Variants in ZNF230 observed in about 807,000 individuals in gnomAD.
The protein encoded by ZNF230 is zinc finger protein 230.
A neutral mutation model predicts 10.0 loss-of-function variants in ZNF230; 12 were observed. That is an observed-to-expected ratio of 1.20 (90% confidence interval 0.77 to 1.95). The LOEUF (loss-of-function observed/expected upper bound fraction) is 1.95, where lower values mean the gene tolerates loss of function less well. ZNF230 is among the 30% of genes most tolerant of loss of function. The probability of loss-of-function intolerance (pLI) is 0.00; values close to 1 mark genes in which losing one functional copy is unlikely to be tolerated. For missense variants in ZNF230, 532 were observed against 565.8 expected (o/e 0.94, Z 0.61); for synonymous variants, 174 against 193.6 (o/e 0.90, Z 0.84).
At chr19:44,009,703 C>T (rs1186587181) in intron 4 of ZNF230, among the ~76,000 whole-genome samples, 1 of 152,206 alleles carries the variant, frequency 6.6e-6, no homozygotes, top group Non-Finnish European at 1.5e-5. Context: ...TGGCCAGCCA[C>T]AACCCTAAAT....
chr19:44,012,494 A>G lies in ZNF230; in HGVS notation c.*1030A>G. On this transcript the variant is annotated 3_prime_UTR_variant, in exon 5 of 5. Transcript: ENST00000429154. ...CCCATCATCCTAGGACCATCGTAGT[A>G]GAGAACTCTTGTAAATTGTGCAGTA... is the stretch of plus-strand genomic sequence containing the variant. 1 of 518,714 alleles carries G rather than the reference A, an allele frequency of 1.9e-6. No individual in the cohort carries two copies. Among genetic ancestry groups the G allele is most frequent in the Non-Finnish European group, 3.8e-6 (1 of 259,752 alleles). 32.1% of individuals were successfully genotyped at this position (518,714 alleles called of 1,614,324 possible).
Position 44,010,281 on chromosome 19 carries a change from T to C in ZNF230, c.242T>C (p.Ile81Thr), listed in dbSNP as rs775491942. 1.9e-6 allele frequency: 3 copies of C among 1,606,962 alleles called. No individual in the cohort carries two copies. The highest frequency in any genetic ancestry group is 2.6e-6 in the Non-Finnish European group (3 of 1,175,930). The change falls in exon 5 of 5, where the codon ATT (isoleucine) becomes ACT (threonine). Residue 81 changes from isoleucine to threonine, a missense_variant. Coordinates refer to ENST00000429154, the MANE Select transcript of ZNF230 (RefSeq NM_006300.4). ...QREGNSGGKT[I>T]AEAGPHEDCP... is the part of the protein sequence containing the mutation. Reference sequence around the variant, plus strand: ...TGTGTCCTTATAGGCGGCAAGACTATTGCGGAAGCAGGACCACATGAAGAC... The same window carrying C: ...TGTGTCCTTATAGGCGGCAAGACTACTGCGGAAGCAGGACCACATGAAGAC...
chr19:44,008,234 T>TA (rs891096237), intron 2 of ZNF230, among the ~76,000 whole-genome samples: 59 of 151,022 alleles, frequency 3.9e-4, no homozygotes, highest in Middle Eastern at 3.4e-3. Flanking sequence ...AAAGAAGGCA[T>TA]AAAAAAAAAT....
At chr19:44,009,316 G>A in intron 4 of ZNF230, 146 bp downstream of exon 4, 1 of 867,864 alleles carries the variant, frequency 1.2e-6, no homozygotes, top group South Asian at 1.8e-5. Context: ...TGGTGGTCCT[G>A]TTCCCTCCCT....
chr19:44,011,447 T>A lies in ZNF230; in HGVS notation c.1408T>A (p.Phe470Ile). 1.3e-6 allele frequency: 2 copies of A among 1,590,964 alleles called. No individual in the cohort carries two copies. Among genetic ancestry groups the A allele is most frequent in the Non-Finnish European group, 1.7e-6 (2 of 1,171,284 alleles). ...GAATCTGGATATAATTTTATCATTATTTTTAAATGATATGTAAGTTGTACA... is the reference window on the plus strand; with the variant it reads ...GAATCTGGATATAATTTTATCATTAATTTTAAATGATATGTAAGTTGTACA... ...RLNLDIILSL[F>I]LNDM is the part of the protein sequence containing the mutation. The change falls in exon 5 of 5, where the codon TTT becomes ATT. Residue 470 changes from phenylalanine (F) to isoleucine (I), a missense_variant. Coordinates refer to ENST00000429154, the MANE Select transcript of ZNF230 (RefSeq NM_006300.4).
chr19:44,006,711 T>A (rs1976127442), intron 1 of ZNF230: 1 of 173,234 alleles, frequency 5.8e-6, no homozygotes, highest in Non-Finnish European at 1.2e-5. Flanking sequence ...ATAAATGGAA[T>A]CATCTAATCC....
Position 44,010,550 on chromosome 19 carries a change from A to G in ZNF230, c.511A>G (p.Asn171Asp). Residue 171 changes from asparagine (N) to aspartate (D), a missense_variant, in exon 5 of 5, where the codon AAT (asparagine) becomes GAT (aspartate). By Grantham distance (23) the Asn-to-Asp change is conservative (BLOSUM62 1). Transcript: ENST00000429154. ...CTCAGGAGAGAAGTCTCATACATGC[A>G]ATGAGTGTGGAAAAAGCTTCTGTTA... ...FHSGEKSHTC[N>D]ECGKSFCYIS... The G allele has an allele frequency of 6.2e-7, 1 of 1,614,256 alleles. No homozygotes were observed. The highest frequency in any genetic ancestry group is 8.5e-7 in the Non-Finnish European group (1 of 1,180,048).
At position 44,010,337 on chromosome 19, in the gene ZNF230, G is replaced by T. The variant is rs1350614274; in HGVS notation, c.298G>T (p.Ala100Ser). 2.5e-6 allele frequency: 4 copies of T among 1,614,054 alleles called. No homozygotes were observed. The highest frequency in any genetic ancestry group is 3.4e-6 in the Non-Finnish European group (4 of 1,180,024). Residue 100 changes from alanine (A) to serine (S), a missense_variant, in exon 5 of 5, where the codon GCA becomes TCA. Transcript: ENST00000429154. ...TTGCCAGCAAATCTGGGAACAAACTGCAAGTGACTTAACCCAGTCTCAAGA... is the reference window on the plus strand; with the variant it reads ...TTGCCAGCAAATCTGGGAACAAACTTCAAGTGACTTAACCCAGTCTCAAGA... ...CPCQQIWEQT[A>S]SDLTQSQDSI...
At chr19:44,004,941 C>T (rs1348798845) in intron 1 of ZNF230, among the ~76,000 whole-genome samples, 1 of 150,994 alleles carries the variant, frequency 6.6e-6, no homozygotes, top group Non-Finnish European at 1.5e-5. Flanking sequence ...CATGGTGAAA[C>T]CCCATCTCTA....
chr19:44,012,057 TCC>T lies in ZNF230; in HGVS notation c.*594_*595del. ...TGAACATGGTAGTGTAGATATCTGATCCACATACTGATTTCCTTTGCTTTGGA... is the reference window on the plus strand; with the variant it reads ...TGAACATGGTAGTGTAGATATCTGATACATACTGATTTCCTTTGCTTTGGA... On this transcript the variant is annotated 3_prime_UTR_variant, in exon 5 of 5. Coordinates refer to ENST00000429154, the MANE Select transcript of ZNF230 (RefSeq NM_006300.4). The T allele has an allele frequency of 5.1e-6, 1 of 195,998 alleles. No homozygotes were observed. The highest frequency in any genetic ancestry group is 8.5e-5 in the South Asian group (1 of 11,736). The allele number at this position is 195,998 out of a possible 1,614,324, so 12.1% of individuals were successfully genotyped here.
rs1383383036 is a variant in ZNF230 at position 44,010,969 on chromosome 19, T to A, written c.930T>A (p.Ser310=). ...MVHTAEKLYK[S]EECGKGFTDS... ...ACACAGCAGAGAAACTGTACAAATC[T>A]GAGGAGTGTGGAAAAGGCTTCACTG... The change falls in exon 5 of 5, where the codon TCT becomes TCA. Residue 310 remains serine (S), a synonymous_variant. Coordinates refer to ENST00000429154, the MANE Select transcript of ZNF230 (RefSeq NM_006300.4). The A allele has an allele frequency of 2.5e-6, 4 of 1,614,152 alleles. No homozygotes were observed. The South Asian group carries it at 4.4e-5, about 18-fold the overall frequency.
In ZNF230 at chr19:44,005,468, C is replaced by T. The variant is rs187039820; in HGVS notation, c.-68-1543C>T. On this transcript the variant is annotated intron_variant, in intron 1 of 4. Transcript: ENST00000429154. ...TATTAAATAATATTGTTATCTATTA[C>T]ATATCAGATCTGTTAAAAGACTACT... Among the ~76,000 whole-genome samples, 152 of 152,260 alleles carry T rather than the reference C, an allele frequency of 1.0e-3. 1 individual carries two copies. Among genetic ancestry groups the T allele is most frequent in the Non-Finnish European group, 2.0e-3 (133 of 68,014 alleles).
chr19:44,010,697 G>C lies in ZNF230; in HGVS notation c.658G>C (p.Gly220Arg). The change falls in exon 5 of 5, where the codon GGA becomes CGA. Residue 220 changes from glycine to arginine, a missense_variant. Physicochemically the swap from Gly to Arg is moderately radical, Grantham distance 125. Transcript: ENST00000429154. ...GCAAACTCGTGAGAGAGTCCACACT[G>C]GAGAGAAACCATTCAAATGTGAGCA... ...CLQTRERVHTGEKPFKCEQCG... is the reference protein window; with the variant it reads ...CLQTRERVHTREKPFKCEQCG... 5 of 1,614,234 alleles carry C rather than the reference G, an allele frequency of 3.1e-6. No individual in the cohort carries two copies. Among genetic ancestry groups the C allele is most frequent in the Non-Finnish European group, 4.2e-6 (5 of 1,180,028 alleles).
At chr19:44,003,142 G>C (rs1976084745) in intron 1 of ZNF230, 35 bp downstream of exon 1, 2 of 152,104 alleles carry the variant, frequency 1.3e-5, no homozygotes. Context: ...TTTTTTTCCC[G>C]TCCACGGAAG....
In ZNF230 at chr19:44,011,054, A is replaced by G; in HGVS notation, c.1015A>G (p.Lys339Glu). ...CACAGGACAGAAACCGTACAATTGTAAAGAATGTGGGAAGAGCTTCAGATG... is the reference window on the plus strand; with the variant it reads ...CACAGGACAGAAACCGTACAATTGTGAAGAATGTGGGAAGAGCTTCAGATG... ...IHTGQKPYNC[K>E]ECGKSFRWSS... Residue 339 changes from lysine (K) to glutamate (E), a missense_variant, in exon 5 of 5, where the codon AAA becomes GAA. By Grantham distance (56) the Lys-to-Glu change is moderately conservative (BLOSUM62 1). Transcript: ENST00000429154. The G allele has an allele frequency of 6.2e-7, 1 of 1,614,228 alleles. No individual in the cohort carries two copies. Among genetic ancestry groups the G allele is most frequent in the Non-Finnish European group, 8.5e-7 (1 of 1,180,028 alleles).
Position 44,011,016 on chromosome 19 carries a change from A to G in ZNF230, c.977A>G (p.His326Arg), listed in dbSNP as rs1205648015. The change falls in exon 5 of 5, where the codon CAT (histidine) becomes CGT (arginine). Residue 326 changes from histidine (H) to arginine (R), a missense_variant. His to Arg is a conservative substitution (Grantham distance 29, BLOSUM62 0). Transcript: ENST00000429154. ...GFTDSLDLHK[H>R]QIIHTGQKPY... ...ACTGATAGCCTAGATTTGCATAAGCATCAGATAATTCACACAGGACAGAAA... is the reference window on the plus strand; with the variant it reads ...ACTGATAGCCTAGATTTGCATAAGCGTCAGATAATTCACACAGGACAGAAA... 6.2e-7 allele frequency: 1 copy of G among 1,614,224 alleles called. No individual in the cohort carries two copies.
rs202141894 is a variant in ZNF230, at chr19:44,010,244, A to G, written c.230-25A>G. The stretch of plus-strand genomic sequence containing the variant: ...CCAAACAAAGGCTTCATTTGTCCAC[A>G]TCTCTTCATTCTGTGTCCTTATAGG... On this transcript the variant is annotated intron_variant, in intron 4 of 4. Transcript: ENST00000429154. The G allele has an allele frequency of 6.4e-4, 1,009 of 1,564,748 alleles. 10 individuals carry two copies. In the Middle Eastern group the frequency reaches 0.018, roughly 29 times the overall value.
chr19:44,005,227 T>A (rs1976112386), intron 1 of ZNF230, among the ~76,000 whole-genome samples: 1 of 152,230 alleles, frequency 6.6e-6, no homozygotes, highest in Non-Finnish European at 1.5e-5. Context: ...GTTCTCATAC[T>A]CTATCCAAAT....
chr19:44,004,489 TG>T (rs1976101686), intron 1 of ZNF230: 1 of 152,274 alleles, frequency 6.6e-6, no homozygotes, highest in African/African-American at 2.4e-5. Context: ...CCCAGCACTT[TG>T]GGAGGCCAAG....
Sources: gnomAD v4.1 joint callset for allele counts (sites outside exome capture counted in the v4.1 genomes callset) on GRCh38, gnomAD v4.1.1 for gene constraint, MANE v1.5 for transcripts, NCBI Gene and HGNC (gene_info 2026-07-23, HGNC 2026-07-21) for gene names.